Variants in PRPS2 observed in about 807,000 individuals in gnomAD.
PRPS2 encodes the protein ribose-phosphate pyrophosphokinase 2.
For synonymous variants in PRPS2, 111 were observed against 115.3 expected, an observed-to-expected ratio of 0.96 and a Z score of 0.24; for missense variants, 104 against 271.5, an observed-to-expected ratio of 0.38 and a Z score of 4.34.
At position 12,815,270 on chromosome X, in the gene PRPS2, A is replaced by T. The variant is rs187945355; in HGVS notation, c.531-4237A>T. On this transcript the variant is annotated intron_variant, in intron 4 of 6. Transcript: ENST00000380668. ...ATGTCTGTGTCCCCCACTGCCAAGA[A>T]CCACAGAGCTCACCTTCTTTCCCAG... 2.9e-3 allele frequency among the ~76,000 whole-genome samples: 325 copies of T among 111,228 alleles called. 1 individual carries two copies. Among genetic ancestry groups the T allele is most frequent in the Middle Eastern group, 9.3e-3 (2 of 215 alleles).
Position 12,811,257 on chromosome X carries a change from G to T in PRPS2, c.530+1111G>T, listed in dbSNP as rs570794086. 3.6e-5 allele frequency among the ~76,000 whole-genome samples: 4 copies of T among 112,534 alleles called. No homozygotes were observed. The South Asian group carries it at 1.5e-3, about 41-fold the overall frequency. On this transcript the variant is annotated intron_variant, in intron 4 of 6. Transcript: ENST00000380668. ...ACTATCAAATAAGTAAGTTTAAAAGGAAACTGAGGTGAAGGAGAGTTAACA... is the reference window on the plus strand; with the variant it reads ...ACTATCAAATAAGTAAGTTTAAAAGTAAACTGAGGTGAAGGAGAGTTAACA...
At chrX:12,792,927 G>A (rs2042526865) in intron 1 of PRPS2, among the ~76,000 whole-genome samples, 1 of 112,346 alleles carries the variant, frequency 8.9e-6, no homozygotes, top group Admixed American at 9.4e-5. Flanking sequence ...AATCTTACGT[G>A]ACTTCTTCCA....
In PRPS2 at chrX:12,823,371, G is replaced by T; in HGVS notation, c.*575G>T. On this transcript the variant is annotated 3_prime_UTR_variant, in exon 7 of 7. Transcript: ENST00000380668. ...TCAGATAAACCATCTTGGTTACTGT[G>T]CTTAATTTGGACCAAATTTTATTTA... The T allele has an allele frequency of 1.2e-5, 1 of 85,194 alleles. No individual in the cohort carries two copies. The highest frequency in any genetic ancestry group is 2.2e-5 in the Non-Finnish European group (1 of 45,168). 7.0% of individuals were successfully genotyped at this position (85,194 alleles called of 1,213,427 possible).
chrX:12,797,058 A>C (rs1179555115), intron 1 of PRPS2, among the ~76,000 whole-genome samples: 1 of 110,025 alleles, frequency 9.1e-6, no homozygotes, highest in African/African-American at 3.3e-5. Flanking sequence ...GACATGTATT[A>C]CATGCTCAAA....
At position 12,791,468 on chromosome X, in the gene PRPS2, C is replaced by T; in HGVS notation, c.-30C>T. On this transcript the variant is annotated 5_prime_UTR_variant, in exon 1 of 7. Transcript: ENST00000380668. ...TTGCCTCCGCCACCTCCTCCGCCGC[C>T]GCGCGCCCCTCGGAGTTCCGCGCCC... is the stretch of plus-strand genomic sequence containing the variant. 8.4e-7 allele frequency: 1 copy of T among 1,193,780 alleles called. No individual in the cohort carries two copies. The highest frequency in any genetic ancestry group is 1.7e-5 in the African/African-American group (1 of 57,319).
chrX:12,816,393 C>T (rs1362124657), intron 4 of PRPS2, among the ~76,000 whole-genome samples: 3 of 111,358 alleles, frequency 2.7e-5, no homozygotes, highest in African/African-American at 9.8e-5. Context: ...CCCCCGATCT[C>T]CCAGGCTCAA....
chrX:12,801,336 T>C (rs1206066468), intron 2 of PRPS2, among the ~76,000 whole-genome samples: 1 of 111,031 alleles, frequency 9.0e-6, no homozygotes, highest in Non-Finnish European at 1.9e-5. Flanking sequence ...AGCTGTATCC[T>C]CCCACTAGCT....
intron 1 of PRPS2, among the ~76,000 whole-genome samples, chrX:12,794,735 G>A (rs1248387481): frequency 8.9e-6 from 1 of 111,752 alleles, no homozygotes; most frequent in East Asian, 2.8e-4. Context: ...TAGCTTTAGG[G>A]GAAAAGTTGC....
intron 1 of PRPS2, among the ~76,000 whole-genome samples, chrX:12,796,236 T>C (rs111998865): frequency 0.027 from 1,940 of 72,132 alleles, 41 homozygotes; most frequent in African/African-American, 0.07. Context: ...TTTTTTTTTT[T>C]TGAGACAGAG....
At position 12,793,029 on chromosome X, in the gene PRPS2, T is replaced by C. The variant is rs138675346; in HGVS notation, c.122+1410T>C. On this transcript the variant is annotated intron_variant, in intron 1 of 6. Transcript: ENST00000380668. ...GTGGACTTTGGCTAAAGAATTCCAC[T>C]CTGCAGTGTTTAATGCAGAAGTCTG... 9.9e-3 allele frequency among the ~76,000 whole-genome samples: 1,115 copies of C among 112,190 alleles called. 14 individuals carry two copies. The highest frequency in any genetic ancestry group is 0.034 in the African/African-American group (1,061 of 30,837).
intron 6 of PRPS2, among the ~76,000 whole-genome samples, chrX:12,821,154 C>T (rs1371812369): frequency 8.9e-6 from 1 of 112,061 alleles, no homozygotes; most frequent in Non-Finnish European, 1.9e-5. Context: ...GAAACTTGTA[C>T]AGACATGTTC....
Position 12,802,847 on chromosome X carries a change from A to G in PRPS2, c.306+3457A>G, listed in dbSNP as rs764084975. Among the ~76,000 whole-genome samples, 4 of 112,574 alleles carry G rather than the reference A, an allele frequency of 3.6e-5. No homozygotes were observed. The South Asian group carries it at 1.1e-3, about 31-fold the overall frequency. On this transcript the variant is annotated intron_variant, in intron 2 of 6. Transcript: ENST00000380668. ...TTTTTTATCCCAGTCAGACAATTCCATGACTTTCTGAGCTTAACTGCTGAT... is the reference window on the plus strand; with the variant it reads ...TTTTTTATCCCAGTCAGACAATTCCGTGACTTTCTGAGCTTAACTGCTGAT...
Position 12,799,285 on chromosome X carries a change from G to T in PRPS2, c.201G>T (p.Leu67=), listed in dbSNP as rs1385773283. The change falls in exon 2 of 7, where the codon CTG becomes CTT. Residue 67 remains leucine (L), a synonymous_variant. Transcript: ENST00000380668. The stretch of plus-strand genomic sequence containing the variant: ...GCTGCGGGGAAATTAACGACAACCT[G>T]ATGGAACTCCTCATCATGATCAATG... ...QSGCGEINDN[L]MELLIMINAC... The T allele has an allele frequency of 8.3e-7, 1 of 1,209,567 alleles. No homozygotes were observed. The highest frequency in any genetic ancestry group is 1.8e-5 in the African/African-American group (1 of 57,041).
At chrX:12,793,474 G>C (rs147154222) in intron 1 of PRPS2, among the ~76,000 whole-genome samples, 4 of 112,620 alleles carry the variant, frequency 3.6e-5, no homozygotes, top group African/African-American at 1.3e-4. Flanking sequence ...ATTAGAAATC[G>C]TGGGACCTCA....
rs1287517629 is a variant in PRPS2 at position 12,822,796 on chromosome X, A to G, written c.957A>G (p.Ter319=). The G allele has an allele frequency of 8.3e-7, 1 of 1,204,425 alleles. No individual in the cohort carries two copies. Among genetic ancestry groups the G allele is most frequent in the South Asian group, 1.8e-5 (1 of 56,732 alleles). The change falls in exon 7 of 7, where the codon TAA becomes TAG. Residue 319 remains the stop codon, a stop_retained_variant. Coordinates refer to ENST00000380668, the MANE Select transcript of PRPS2 (RefSeq NM_002765.5). ...VSYLFSHVPL[*] ...ACCTGTTCAGCCATGTCCCGCTATAAATCCAGAATGGGAAGTGTCCAGCAA... is the reference window on the plus strand; with the variant it reads ...ACCTGTTCAGCCATGTCCCGCTATAGATCCAGAATGGGAAGTGTCCAGCAA...
At chrX:12,819,169 C>A (rs1057029395) in intron 4 of PRPS2, among the ~76,000 whole-genome samples, 3 of 112,772 alleles carry the variant, frequency 2.7e-5, no homozygotes, top group Non-Finnish European at 3.7e-5. Flanking sequence ...AATAGTAGTT[C>A]CTAAATAACT....
chrX:12,816,433 G>C (rs1439143969), intron 4 of PRPS2, among the ~76,000 whole-genome samples: 1 of 110,833 alleles, frequency 9.0e-6, no homozygotes, highest in Non-Finnish European at 1.9e-5. Context: ...CTCCCAAGTA[G>C]CTGGAACTAA....
intron 2 of PRPS2, among the ~76,000 whole-genome samples, chrX:12,806,083 GAA>G (rs754962160): frequency 8.0e-5 from 7 of 87,992 alleles, no homozygotes; most frequent in Non-Finnish European, 9.1e-5. Flanking sequence ...GTCTCAAAAG[GAA>G]AAAAAAAAAA....
intron 4 of PRPS2, 101 bp from the exon 5 acceptor site, chrX:12,819,406 T>A (rs986256294): frequency 5.2e-6 from 5 of 959,415 alleles, no homozygotes; most frequent in Non-Finnish European, 7.2e-6. Context: ...GATTCTTGCA[T>A]CATCTCTCGG....
Sources: allele counts gnomAD v4.1 joint callset (sites outside exome capture counted in the v4.1 genomes callset), GRCh38; gene constraint gnomAD v4.1.1; transcripts MANE v1.5; gene names NCBI Gene and HGNC (gene_info 2026-07-23, HGNC 2026-07-21).